The following SGCD variants were observed in gnomAD, a reference collection of about 807,000 sequenced individuals.
SGCD encodes the protein sarcoglycan delta, also known as delta-sarcoglycan.
In SGCD, 18 loss-of-function variants were observed where a neutral mutation model predicts 36.6. The observed-to-expected ratio is 0.49, with a 90% CI of 0.34 to 0.73. The LOEUF (loss-of-function observed/expected upper bound fraction) is 0.73. Ranked by LOEUF, SGCD falls within the 30% of genes least tolerant of loss-of-function variation. The probability of loss-of-function intolerance (pLI) is 0.01; values close to 1 mark genes in which losing one functional copy is unlikely to be tolerated. For synonymous variants in SGCD, 133 were observed against 130.6 expected, an observed-to-expected ratio of 1.02 and a Z score of -0.12; for missense variants, 387 against 346.7, an observed-to-expected ratio of 1.12 and a Z score of -0.92.
At chr5:156,228,121 T>G (rs1323654097) in intron 3 of SGCD, among the ~76,000 whole-genome samples, 1 of 152,124 alleles carries the variant, frequency 6.6e-6, no homozygotes, top group Non-Finnish European at 1.5e-5. Flanking sequence ...ATTCTGCAAT[T>G]GTTGGATGAA....
chr5:156,384,079 C>A (rs1170836731), intron 3 of SGCD, among the ~76,000 whole-genome samples: 1 of 152,134 alleles, frequency 6.6e-6, no homozygotes, highest in Non-Finnish European at 1.5e-5. Flanking sequence ...GAGTTATTTG[C>A]AGCAAGGATA....
intron 3 of SGCD, among the ~76,000 whole-genome samples, chr5:156,224,735 A>G (rs2127647537): frequency 6.6e-6 from 1 of 152,286 alleles, no homozygotes; most frequent in East Asian, 1.9e-4. Context: ...AATTTCTTTT[A>G]ATCCAAAATC....
intron 7 of SGCD, among the ~76,000 whole-genome samples, chr5:156,753,043 C>T (rs1161508189): frequency 6.6e-6 from 1 of 152,068 alleles, no homozygotes; most frequent in African/African-American, 2.4e-5. Context: ...AAAGTGTGGC[C>T]CGCCGAAACA....
intron 1 of SGCD, among the ~76,000 whole-genome samples, chr5:155,926,469 A>G (rs1580994548): frequency 2.0e-5 from 3 of 152,244 alleles, no homozygotes; most frequent in Non-Finnish European, 4.4e-5. Flanking sequence ...ATTAGAAGAG[A>G]GACATACATC....
intron 3 of SGCD, among the ~76,000 whole-genome samples, chr5:156,421,317 A>G (rs1773297295): frequency 6.6e-6 from 1 of 152,100 alleles, no homozygotes; most frequent in African/African-American, 2.4e-5. Context: ...TGTCATAATC[A>G]GGTTATGATA....
At chr5:156,309,186 A>C (rs1767319518) in intron 3 of SGCD, among the ~76,000 whole-genome samples, 1 of 152,044 alleles carries the variant, frequency 6.6e-6, no homozygotes, top group East Asian at 1.9e-4. Flanking sequence ...GTTTTTCATC[A>C]AATTTGGGAA....
chr5:156,612,379 A>T (rs1442056226), intron 6 of SGCD, among the ~76,000 whole-genome samples: 1 of 152,272 alleles, frequency 6.6e-6, no homozygotes, highest in African/African-American at 2.4e-5. Context: ...GACCTAGGCT[A>T]CATGAGTTTG....
chr5:155,987,845 C>G (rs1413568943), intron 1 of SGCD, among the ~76,000 whole-genome samples: 1 of 152,178 alleles, frequency 6.6e-6, no homozygotes, highest in Non-Finnish European at 1.5e-5. Context: ...TTCCCCCACA[C>G]TACACCCTTC....
intron 3 of SGCD, among the ~76,000 whole-genome samples, chr5:156,224,032 C>T (rs543801859): frequency 4.0e-5 from 6 of 151,810 alleles, no homozygotes; most frequent in South Asian, 2.1e-4. Context: ...GTTACAAATT[C>T]GTGTTAACAT....
intron 3 of SGCD, among the ~76,000 whole-genome samples, chr5:156,455,342 A>G (rs1754207625): frequency 6.6e-6 from 1 of 152,124 alleles, no homozygotes; most frequent in African/African-American, 2.4e-5. Context: ...CCTAGCACAG[A>G]TGCCTTCATT....
At chr5:156,613,147 G>T (rs1248839766) in intron 6 of SGCD, among the ~76,000 whole-genome samples, 6 of 152,244 alleles carry the variant, frequency 3.9e-5, no homozygotes, top group East Asian at 1.9e-4. Flanking sequence ...GATCTCCATT[G>T]TATTTCCTCA....
intron 1 of SGCD, among the ~76,000 whole-genome samples, chr5:155,890,909 C>T (rs796085712): frequency 3.3e-5 from 5 of 152,140 alleles, no homozygotes; most frequent in East Asian, 1.9e-4. Context: ...GGTCATATGC[C>T]CATACTGCTC....
At chr5:156,095,398 C>T (rs748403399) in intron 1 of SGCD, among the ~76,000 whole-genome samples, 13 of 152,058 alleles carry the variant, frequency 8.5e-5, no homozygotes. Context: ...ATCAGGCAGA[C>T]AAAAAGGGCA....
the SGCD span, among the ~76,000 whole-genome samples, chr5:155,814,889 AAAT>A: frequency 1.3e-5 from 2 of 152,242 alleles, no homozygotes; most frequent in African/African-American, 4.8e-5. Flanking sequence ...AACTATAAGA[AAAT>A]AAGCACATTT....
intron 3 of SGCD, among the ~76,000 whole-genome samples, chr5:156,234,438 G>A (rs1054796123): frequency 1.3e-5 from 2 of 152,068 alleles, no homozygotes; most frequent in Non-Finnish European, 2.9e-5. Flanking sequence ...ACAGATGAGA[G>A]GCTTGACTCC....
the SGCD span, among the ~76,000 whole-genome samples, chr5:155,851,364 G>A: frequency 6.6e-6 from 1 of 152,244 alleles, no homozygotes; most frequent in African/African-American, 2.4e-5. Context: ...TTGTTGTGGG[G>A]ATAAAGCGAA....
intron 7 of SGCD, among the ~76,000 whole-genome samples, chr5:156,666,813 A>G (rs1753060389): frequency 6.6e-6 from 1 of 152,030 alleles, no homozygotes; most frequent in Non-Finnish European, 1.5e-5. Flanking sequence ...CACATAACAA[A>G]ATGGAGTCTC....
chr5:156,497,199 C>A (rs1268400189), intron 3 of SGCD, among the ~76,000 whole-genome samples: 5 of 116,214 alleles, frequency 4.3e-5, no homozygotes, highest in African/African-American at 1.3e-4. Context: ...CTCTCTCTCT[C>A]TCTCTCTGCG....
chr5:156,173,558 C>T (rs1763391375), intron 3 of SGCD, among the ~76,000 whole-genome samples: 1 of 152,066 alleles, frequency 6.6e-6, no homozygotes, highest in Non-Finnish European at 1.5e-5. Flanking sequence ...AGAATAAACA[C>T]AGTTAAGTAC....
Sources: allele counts gnomAD v4.1 joint callset (sites outside exome capture counted in the v4.1 genomes callset), GRCh38; gene constraint gnomAD v4.1.1; transcripts MANE v1.5; gene names NCBI Gene and HGNC (gene_info 2026-07-23, HGNC 2026-07-21).